PACRG: variants seen among roughly 807,000 people sequenced by gnomAD.
PACRG encodes the protein parkin coregulated, also known as parkin coregulated gene protein.
In PACRG, 29 loss-of-function variants were observed where a neutral mutation model predicts 29.7. That is an observed-to-expected ratio of 0.98 (90% CI 0.73 to 1.33). The LOEUF is 1.33. Ranked by LOEUF, PACRG falls within the 40% of genes most tolerant of loss-of-function variation. The pLI is 0.00. For missense variants in PACRG, 279 were observed against 316.2 expected, an observed-to-expected ratio of 0.88 and a Z score of 0.89; for synonymous variants, 116 against 118.7, an observed-to-expected ratio of 0.98 and a Z score of 0.15.
intron 2 of PACRG, chr6:162,957,339 G>A (rs903581199): frequency 6.2e-5 from 38 of 609,974 alleles, no homozygotes; most frequent in South Asian, 6.0e-4. Flanking sequence ...TAGCACTCAT[G>A]GAACCACCAC....
At chr6:163,245,030 T>C (rs898806566) in intron 4 of PACRG, 10 of 455,562 alleles carry the variant, frequency 2.2e-5, no homozygotes, top group African/African-American at 2.0e-4. Context: ...TTTTCTACCA[T>C]CATTGTATGT....
chr6:163,291,066 G>A (rs1487238841), intron 4 of PACRG, among the ~76,000 whole-genome samples: 1 of 152,198 alleles, frequency 6.6e-6, no homozygotes, highest in African/African-American at 2.4e-5. Context: ...TTCAGTGCCC[G>A]GCTGCCCAGC....
intron 4 of PACRG, among the ~76,000 whole-genome samples, chr6:163,279,835 TGA>T (rs1181885168): frequency 6.6e-6 from 1 of 152,198 alleles, no homozygotes. Flanking sequence ...AGAGCTTGCT[TGA>T]GAGAAGGAGA....
chr6:163,267,469 T>C (rs1783573407), intron 4 of PACRG, among the ~76,000 whole-genome samples: 1 of 152,236 alleles, frequency 6.6e-6, no homozygotes, highest in African/African-American at 2.4e-5. Context: ...AGTGGGACCA[T>C]AATATTTCAC....
chr6:163,211,225 G>A (rs1165759881), intron 4 of PACRG, among the ~76,000 whole-genome samples: 3 of 152,088 alleles, frequency 2.0e-5, no homozygotes, highest in Non-Finnish European at 2.9e-5. Context: ...ATGCTTATGT[G>A]TAAATTATGC....
At chr6:162,785,944 C>T (rs945116742) in intron 1 of PACRG, among the ~76,000 whole-genome samples, 1 of 152,208 alleles carries the variant, frequency 6.6e-6, no homozygotes, top group Non-Finnish European at 1.5e-5. Flanking sequence ...GCTGCCCCCT[C>T]CAGAGAGCTG....
At chr6:163,260,813 C>T (rs932854367) in intron 4 of PACRG, among the ~76,000 whole-genome samples, 6 of 152,202 alleles carry the variant, frequency 3.9e-5, no homozygotes, top group Non-Finnish European at 7.3e-5. Flanking sequence ...GGGCAGGGAA[C>T]GCTGCTGCTT....
intron 2 of PACRG, among the ~76,000 whole-genome samples, chr6:162,973,711 G>T (rs574973999): frequency 6.6e-6 from 1 of 152,264 alleles, no homozygotes; most frequent in South Asian, 2.1e-4. Context: ...CTAAAAAAGT[G>T]CTAGAAATAA....
At chr6:162,792,302 C>A (rs976988430) in intron 1 of PACRG, among the ~76,000 whole-genome samples, 1 of 151,852 alleles carries the variant, frequency 6.6e-6, no homozygotes, top group Non-Finnish European at 1.5e-5. Flanking sequence ...GGCAGGAGGG[C>A]AGAAATAGGA....
intron 2 of PACRG, among the ~76,000 whole-genome samples, chr6:163,032,585 C>G (rs1395481412): frequency 6.6e-6 from 1 of 152,180 alleles, no homozygotes; most frequent in Admixed American, 6.5e-5. Flanking sequence ...TGATAATGTA[C>G]ACTAAGTCAT....
chr6:162,835,999 T>A (rs1025792351), intron 2 of PACRG, among the ~76,000 whole-genome samples: 3 of 152,164 alleles, frequency 2.0e-5, no homozygotes, highest in Admixed American at 6.6e-5. Context: ...CCGTCCCACA[T>A]CCTGTTCTGT....
At chr6:163,109,172 T>A (rs1815569212) in intron 4 of PACRG, among the ~76,000 whole-genome samples, 1 of 152,224 alleles carries the variant, frequency 6.6e-6, no homozygotes, top group Admixed American at 6.5e-5. Context: ...GAAAGTAAGG[T>A]TTCTCTACCA....
At chr6:162,859,662 C>T (rs1455285479) in intron 2 of PACRG, among the ~76,000 whole-genome samples, 1 of 152,158 alleles carries the variant, frequency 6.6e-6, no homozygotes, top group African/African-American at 2.4e-5. Flanking sequence ...CCTGAAGACC[C>T]TCAAGTGATA....
intron 2 of PACRG, among the ~76,000 whole-genome samples, chr6:162,844,372 C>T (rs1037587565): frequency 2.6e-5 from 4 of 152,208 alleles, no homozygotes; most frequent in African/African-American, 9.6e-5. Flanking sequence ...CAGGTGAGTC[C>T]GTCACCCCTC....
intron 2 of PACRG, among the ~76,000 whole-genome samples, chr6:162,961,958 A>G (rs968979921): frequency 6.6e-6 from 1 of 152,156 alleles, no homozygotes; most frequent in Non-Finnish European, 1.5e-5. Context: ...TAGTGCTCCA[A>G]TTATATATTT....
At chr6:162,756,987 G>T (rs1164540156) in intron 1 of PACRG, among the ~76,000 whole-genome samples, 6 of 151,150 alleles carry the variant, frequency 4.0e-5, no homozygotes, top group African/African-American at 1.5e-4. Context: ...TTTTTTTCTG[G>T]ACTCACGATT....
intron 2 of PACRG, among the ~76,000 whole-genome samples, chr6:162,874,174 A>G (rs1244796972): frequency 6.7e-6 from 1 of 148,932 alleles, no homozygotes; most frequent in Non-Finnish European, 1.5e-5. Flanking sequence ...ATATGTATAT[A>G]TATGCTCAGA....
At chr6:163,127,385 T>C (rs376984316) in intron 4 of PACRG, among the ~76,000 whole-genome samples, 1 of 152,240 alleles carries the variant, frequency 6.6e-6, no homozygotes, top group South Asian at 2.1e-4. Context: ...TTAATGGGTA[T>C]TTTGTCAGTT....
chr6:163,002,753 T>C (rs1371325134), intron 2 of PACRG, among the ~76,000 whole-genome samples: 5 of 152,178 alleles, frequency 3.3e-5, no homozygotes, highest in Non-Finnish European at 2.9e-5. Context: ...ATGGCTACTT[T>C]CTGTGTGTGA....
Sources: gnomAD v4.1 joint callset for allele counts (sites outside exome capture counted in the v4.1 genomes callset) on GRCh38, gnomAD v4.1.1 for gene constraint, MANE v1.5 for transcripts, NCBI Gene and HGNC (gene_info 2026-07-23, HGNC 2026-07-21) for gene names.